WDFY1: variants seen among roughly 807,000 people sequenced by gnomAD.
WDFY1 encodes the protein WD repeat and FYVE domain containing 1.
WDFY1 carries 32 observed loss-of-function variants against 56.4 expected under a neutral mutation model. The observed-to-expected ratio is 0.57, with a 90% confidence interval of 0.43 to 0.76. The LOEUF (loss-of-function observed/expected upper bound fraction) is 0.76, where lower values mean the gene tolerates loss of function less well. Ranked by LOEUF, WDFY1 falls within the 30% of genes least tolerant of loss-of-function variation. The pLI is 0.00. For missense variants in WDFY1, 480 were observed against 545.7 expected, an observed-to-expected ratio of 0.88 and a Z score of 1.20; for synonymous variants, 192 against 197.3, an observed-to-expected ratio of 0.97 and a Z score of 0.23.
At chr2:223,943,724 CTAAAGTT>C (rs1354208865) in intron 1 of WDFY1, among the ~76,000 whole-genome samples, 1 of 152,192 alleles carries the variant, frequency 6.6e-6, no homozygotes, top group African/African-American at 2.4e-5. Flanking sequence ...TTGAAAGACG[CTAAAGTT>C]TAAAGTCGAA....
intron 6 of WDFY1, among the ~76,000 whole-genome samples, chr2:223,897,335 T>C (rs1297643099): frequency 1.4e-5 from 2 of 144,376 alleles, no homozygotes; most frequent in South Asian, 2.2e-4. Context: ...TAGACATGTG[T>C]CCCCTCTAAA....
chr2:223,939,050 G>A (rs1689250532), intron 1 of WDFY1, among the ~76,000 whole-genome samples: 1 of 152,044 alleles, frequency 6.6e-6, no homozygotes, highest in African/African-American at 2.4e-5. Context: ...TTTCTTGGTG[G>A]TTGTACATAG....
chr2:223,884,866 T>TTTA, intron 8 of WDFY1, 117 bp from the exon 9 acceptor site: 1 of 955,094 alleles, frequency 1.0e-6, no homozygotes, highest in South Asian at 1.6e-5. Context: ...CTTCTTTTTT[T>TTTA]TTTTTTTTTG....
intron 8 of WDFY1, among the ~76,000 whole-genome samples, chr2:223,892,787 G>T (rs1364514804): frequency 6.6e-6 from 1 of 152,208 alleles, no homozygotes; most frequent in Non-Finnish European, 1.5e-5. Context: ...TAAAGGACAG[G>T]ATACTGAACA....
At chr2:223,881,724 G>A (rs890718110) in intron 10 of WDFY1, among the ~76,000 whole-genome samples, 8 of 152,208 alleles carry the variant, frequency 5.3e-5, no homozygotes, top group Non-Finnish European at 1.2e-4. Context: ...GGAGGCAGAG[G>A]TTGCAGTGGG....
chr2:223,884,524 A>G, intron 9 of WDFY1, 124 bp downstream of exon 9: 1 of 868,644 alleles, frequency 1.2e-6, no homozygotes, highest in African/African-American at 1.7e-5. Flanking sequence ...TGATAAAGAC[A>G]TAGAAAATGT....
chr2:223,880,114 G>A lies in WDFY1; in HGVS notation c.1173+10C>T. On this transcript the variant is annotated intron_variant, in intron 11 of 11. Coordinates refer to ENST00000233055, the MANE Select transcript of WDFY1 (RefSeq NM_020830.5). ...CAACTGAGATGCTGACAGACAATTA[G>A]CCAGCTTACCTTTACAATGCGGTCG... is the stretch of plus-strand genomic sequence containing the variant. 6.2e-7 allele frequency: 1 copy of A among 1,610,554 alleles called. No homozygotes were observed. The highest frequency in any genetic ancestry group is 8.5e-7 in the Non-Finnish European group (1 of 1,176,822).
chr2:223,895,428 T>C (rs973789926), intron 7 of WDFY1, 76 bp downstream of exon 7: 4 of 1,604,100 alleles, frequency 2.5e-6, no homozygotes, highest in African/African-American at 1.3e-5. Flanking sequence ...CAGAAAGTGG[T>C]ATCAGACTAT....
Position 223,912,329 on chromosome 2 carries a change from G to A in WDFY1, c.206-3C>T. 6.3e-7 allele frequency: 1 copy of A among 1,597,354 alleles called. No individual in the cohort carries two copies. Among genetic ancestry groups the A allele is most frequent in the Non-Finnish European group, 8.5e-7 (1 of 1,175,628 alleles). On this transcript the variant is annotated splice_region_variant and splice_polypyrimidine_tract_variant and intron_variant, in intron 2 of 11. Transcript: ENST00000233055. ...GTAAGCCATAGCAGAGCAAGGAGCT[G>A]CCAGAAAGACAAAGACCACATTACC... is the stretch of plus-strand genomic sequence containing the variant.
At position 223,918,716 on chromosome 2, in the gene WDFY1, C is replaced by T. The variant is rs150314602; in HGVS notation, c.138-706G>A. 9.1e-3 allele frequency among the ~76,000 whole-genome samples: 1,374 copies of T among 151,614 alleles called. 16 individuals are homozygous for T. Among genetic ancestry groups the T allele is most frequent in the Middle Eastern group, 0.017 (5 of 292 alleles). On this transcript the variant is annotated intron_variant, in intron 1 of 11. Coordinates refer to ENST00000233055, the MANE Select transcript of WDFY1 (RefSeq NM_020830.5). ...TGTTAACTGCTTTTCTTGGTAAAAA[C>T]AAATTATGTGCACTTGGTGGTTGAC...
chr2:223,894,418 TCTC>T (rs1693327344), intron 7 of WDFY1, 79 bp from the exon 8 acceptor site: 1 of 1,431,892 alleles, frequency 7.0e-7, no homozygotes, highest in South Asian at 1.2e-5. Context: ...CTCAAATTGC[TCTC>T]CTCATTAAAA....
At chr2:223,881,842 G>T in intron 10 of WDFY1, 100 bp downstream of exon 10, 1 of 1,469,218 alleles carries the variant, frequency 6.8e-7, no homozygotes, top group Non-Finnish European at 9.2e-7. Context: ...ACAAACACAT[G>T]GCTAAACATA....
At chr2:223,938,784 C>T (rs1218124152) in intron 1 of WDFY1, among the ~76,000 whole-genome samples, 1 of 151,326 alleles carries the variant, frequency 6.6e-6, no homozygotes, top group Non-Finnish European at 1.5e-5. Context: ...AACTAGGTGG[C>T]TATCTGTGAA....
intron 9 of WDFY1, among the ~76,000 whole-genome samples, chr2:223,882,289 A>AT (rs1360955124): frequency 6.6e-6 from 1 of 151,828 alleles, no homozygotes; most frequent in Non-Finnish European, 1.5e-5. Flanking sequence ...TAATTTTTGT[A>AT]TTTTTAGTAG....
At chr2:223,925,216 A>T (rs1693957612) in intron 1 of WDFY1, among the ~76,000 whole-genome samples, 1 of 6,690 alleles carries the variant, frequency 1.5e-4, no homozygotes, top group East Asian at 1.0e-3. Context: ...TTTTGTTCCT[A>T]AAAAAAAAAA....
chr2:223,908,282 T>G (rs1693635730), intron 3 of WDFY1, among the ~76,000 whole-genome samples: 1 of 152,220 alleles, frequency 6.6e-6, no homozygotes, highest in Admixed American at 6.5e-5. Context: ...CCACTCTGGT[T>G]ACCCTCAGGC....
At position 223,893,900 on chromosome 2, in the gene WDFY1, A is replaced by G. The variant is rs141870448; in HGVS notation, c.831+334T>C. ...TCCTACAGGAATGCTACGGGACCAC[A>G]ATGGTGCTTCGGAGGACCTCTATGC... On this transcript the variant is annotated intron_variant, in intron 8 of 11. Transcript: ENST00000233055. 8.4e-3 allele frequency among the ~76,000 whole-genome samples: 1,285 copies of G among 152,330 alleles called. 20 individuals carry two copies. Among genetic ancestry groups the G allele is most frequent in the African/African-American group, 0.03 (1,242 of 41,578 alleles).
At chr2:223,929,128 T>C (rs564994435) in intron 1 of WDFY1, among the ~76,000 whole-genome samples, 1 of 151,952 alleles carries the variant, frequency 6.6e-6, no homozygotes, top group East Asian at 1.9e-4. Flanking sequence ...GGCAATAAAC[T>C]GTGCCTCTCC....
Position 223,894,271 on chromosome 2 carries a change from C to T in WDFY1, c.794G>A (p.Gly265Glu). 6.2e-7 allele frequency: 1 copy of T among 1,614,186 alleles called. No individual in the cohort carries two copies. ...AACATCCATGTTCCACACTGCAATT[C>T]CGCCGTCCGAGGAACAGGAGACGAG... The part of the protein sequence containing the change: ...RQLVSCSSDG[G>E]IAVWNMDVSR... The change falls in exon 8 of 12, where the codon GGA (glycine) becomes GAA (glutamate). Residue 265 changes from glycine to glutamate, a missense_variant. Physicochemically the swap from Gly to Glu is moderately conservative, Grantham distance 98. Coordinates refer to ENST00000233055, the MANE Select transcript of WDFY1 (RefSeq NM_020830.5).
Sources: allele counts gnomAD v4.1 joint callset (sites outside exome capture counted in the v4.1 genomes callset), GRCh38; gene constraint gnomAD v4.1.1; transcripts MANE v1.5; gene names NCBI Gene and HGNC (gene_info 2026-07-23, HGNC 2026-07-21).